The following EXD3 variants were observed in gnomAD, a reference collection of about 807,000 sequenced individuals.
EXD3 encodes exonuclease mut-7 homolog.
In EXD3, 92 loss-of-function variants were observed where a neutral mutation model predicts 98.0. The ratio of observed to expected loss-of-function variants is 0.94; its 90% confidence interval spans 0.79 to 1.12. The LOEUF is 1.12. Among genes scored for constraint, EXD3 ranks in the 50% most tolerant of loss-of-function variants. The pLI is 0.00. For missense variants in EXD3, 1,222 were observed against 1,191.6 expected (o/e 1.03, Z -0.38); for synonymous variants, 569 against 526.0 (o/e 1.08, Z -1.12).
At chr9:137,373,676 GGTT>G (rs201962118) in intron 3 of EXD3, 77 bp from the exon 4 acceptor site, 3 of 1,405,608 alleles carry the variant, frequency 2.1e-6, no homozygotes, top group Non-Finnish European at 2.9e-6. Flanking sequence ...ACCGCAGAGA[GGTT>G]TTTTAAAATT....
At chr9:137,420,716 G>C (rs1261525670) in intron 1 of EXD3, among the ~76,000 whole-genome samples, 1 of 148,062 alleles carries the variant, frequency 6.8e-6, no homozygotes, top group Non-Finnish European at 1.5e-5. Flanking sequence ...AGATAGTTTG[G>C]GACCTGGAGG....
At chr9:137,387,957 G>A (rs1047410763) in intron 2 of EXD3, among the ~76,000 whole-genome samples, 1 of 152,232 alleles carries the variant, frequency 6.6e-6, no homozygotes, top group Non-Finnish European at 1.5e-5. Flanking sequence ...GGTCTAGGAC[G>A]CTGAGACAGA....
At chr9:137,335,515 C>T (rs1224453079) in intron 17 of EXD3, among the ~76,000 whole-genome samples, 2 of 152,042 alleles carry the variant, frequency 1.3e-5, no homozygotes, top group African/African-American at 2.4e-5. Context: ...CCGGTCTCTG[C>T]TAAAAATACA....
intron 1 of EXD3, among the ~76,000 whole-genome samples, chr9:137,421,693 C>T (rs989120774): frequency 2.0e-5 from 3 of 152,116 alleles, no homozygotes; most frequent in Non-Finnish European, 4.4e-5. Context: ...TTAAAATTAG[C>T]CGGTCCTGGT....
chr9:137,312,339 G>A (rs1172587140), intron 19 of EXD3, among the ~76,000 whole-genome samples: 1 of 152,192 alleles, frequency 6.6e-6, no homozygotes, highest in African/African-American at 2.4e-5. Flanking sequence ...TGGCTGGGAA[G>A]GCTCCCAGCT....
intron 19 of EXD3, among the ~76,000 whole-genome samples, 152 bp from the exon 20 acceptor site, chr9:137,309,852 G>A (rs1831271321): frequency 6.6e-6 from 1 of 152,224 alleles, no homozygotes; most frequent in African/African-American, 2.4e-5. Context: ...GCATAGTCCT[G>A]TGGGGTTCAG....
intron 17 of EXD3, among the ~76,000 whole-genome samples, chr9:137,344,086 T>C (rs1346488661): frequency 6.6e-6 from 1 of 150,482 alleles, no homozygotes; most frequent in African/African-American, 2.5e-5. Flanking sequence ...AGAGACGGGG[T>C]TTCACCGTGT....
intron 1 of EXD3, among the ~76,000 whole-genome samples, chr9:137,417,201 G>A (rs1345192832): frequency 6.6e-6 from 1 of 152,156 alleles, no homozygotes; most frequent in Non-Finnish European, 1.5e-5. Flanking sequence ...AGACACACGG[G>A]TCTGGACTCG....
chr9:137,351,523 G>A lies in EXD3; in HGVS notation c.1179C>T (p.His393=). 6.3e-7 allele frequency: 1 copy of A among 1,585,500 alleles called. No homozygotes were observed. The highest frequency in any genetic ancestry group is 1.1e-5 in the South Asian group (1 of 87,128). ...ACTCCACGTCTACACCAACCACTTG[G>A]TGGCACTGCGGGCAGAGAGGGGCAG... The part of the protein sequence containing the change: ...TRHEGALLQC[H]QVVGVDVEWT... The change falls in exon 13 of 22, where the codon CAC becomes CAT. Residue 393 remains histidine (H), a synonymous_variant. Transcript: ENST00000340951.
chr9:137,386,899 C>T (rs1175736915), intron 2 of EXD3, among the ~76,000 whole-genome samples: 1 of 145,834 alleles, frequency 6.9e-6, no homozygotes, highest in Non-Finnish European at 1.5e-5. Flanking sequence ...CTGCCTGGCC[C>T]CCTCAGCACC....
intron 17 of EXD3, among the ~76,000 whole-genome samples, chr9:137,327,031 C>T (rs1403604913): frequency 6.6e-6 from 1 of 151,902 alleles, no homozygotes; most frequent in African/African-American, 2.4e-5. Context: ...TATGATTCCA[C>T]GTCTACGAGG....
At chr9:137,410,711 C>T (rs1837953495) in intron 1 of EXD3, among the ~76,000 whole-genome samples, 1 of 152,154 alleles carries the variant, frequency 6.6e-6, no homozygotes, top group Admixed American at 6.5e-5. Context: ...CGAGGAAGCC[C>T]CCCTGGGGGC....
intron 17 of EXD3, among the ~76,000 whole-genome samples, chr9:137,332,138 G>A (rs1412477597): frequency 2.0e-5 from 3 of 152,064 alleles, no homozygotes; most frequent in Admixed American, 6.6e-5. Flanking sequence ...TGGAGGAATC[G>A]ATATTGTGAA....
intron 3 of EXD3, among the ~76,000 whole-genome samples, chr9:137,380,142 C>T (rs982883969): frequency 1.1e-4 from 16 of 151,944 alleles, no homozygotes; most frequent in African/African-American, 2.7e-4. Context: ...GCCTCCCTCC[C>T]GGGGTCCCTG....
chr9:137,417,414 C>G lies in EXD3; in HGVS notation c.-48+5700G>C, dbSNP rs1450953490. On this transcript the variant is annotated intron_variant, in intron 1 of 21. Coordinates refer to ENST00000340951, the MANE Select transcript of EXD3 (RefSeq NM_017820.5). ...AGGCCGAACCTGACCACGGGTTCCGCGGCGCGGAGGCCCCTGCTGACCGCA... is the reference window on the plus strand; with the variant it reads ...AGGCCGAACCTGACCACGGGTTCCGGGGCGCGGAGGCCCCTGCTGACCGCA... 1.5e-4 allele frequency among the ~76,000 whole-genome samples: 23 copies of G among 152,316 alleles called. 1 individual carries two copies. The South Asian group carries it at 4.6e-3, about 30-fold the overall frequency.
intron 19 of EXD3, among the ~76,000 whole-genome samples, chr9:137,316,707 C>T (rs941211605): frequency 1.3e-5 from 2 of 152,156 alleles, no homozygotes; most frequent in African/African-American, 4.8e-5. Flanking sequence ...GGCTGGGGGA[C>T]AACAGAGTGG....
At chr9:137,336,157 G>A (rs1278491301) in intron 17 of EXD3, among the ~76,000 whole-genome samples, 2 of 152,126 alleles carry the variant, frequency 1.3e-5, no homozygotes, top group Admixed American at 6.6e-5. Context: ...GCAGGAGGAG[G>A]AGTAAGGGAT....
At chr9:137,318,891 A>G (rs1159808891) in intron 19 of EXD3, among the ~76,000 whole-genome samples, 1 of 152,202 alleles carries the variant, frequency 6.6e-6, no homozygotes, top group Non-Finnish European at 1.5e-5. Flanking sequence ...CTCAGCCATG[A>G]GCGCTGTTGC....
At chr9:137,420,256 C>A (rs1319409747) in intron 1 of EXD3, among the ~76,000 whole-genome samples, 1 of 152,074 alleles carries the variant, frequency 6.6e-6, no homozygotes, top group Non-Finnish European at 1.5e-5. Flanking sequence ...CGAAACCTTG[C>A]TGACTCTTTT....
Sources: allele counts gnomAD v4.1 joint callset (sites outside exome capture counted in the v4.1 genomes callset), GRCh38; gene constraint gnomAD v4.1.1; transcripts MANE v1.5; gene names NCBI Gene and HGNC (gene_info 2026-07-23, HGNC 2026-07-21).